Variants in ACSM3 observed in about 807,000 individuals in gnomAD.
ACSM3 encodes acyl-CoA synthetase medium chain family member 3.
Under a neutral mutation model 74.1 loss-of-function variants are expected in ACSM3, and 61 were observed. The ratio of observed to expected loss-of-function variants is 0.82; its 90% CI spans 0.67 to 1.02. The LOEUF is 1.02. Ranked by LOEUF, ACSM3 falls within the 50% of genes least tolerant of loss-of-function variation. ACSM3 has a pLI of 0.00. For missense variants in ACSM3, 660 were observed against 697.0 expected (o/e 0.95, Z 0.60); for synonymous variants, 213 against 241.5 (o/e 0.88, Z 1.09).
At position 20,723,077 on chromosome 16, in the gene ACSM3, C is replaced by T. The variant is rs11649666; in HGVS notation, c.-189-26833C>T. On this transcript the variant is annotated intron_variant, in intron 1 of 3. Transcript: ENST00000561584. The stretch of plus-strand genomic sequence containing the variant: ...GGCCCCAGTGTGTGATGTTCCCCTT[C>T]CTGTGTCCAAGTGTTCTCATTGTTC... 4.5e-3 allele frequency among the ~76,000 whole-genome samples: 683 copies of T among 152,176 alleles called. 4 individuals carry two copies. The highest frequency in any genetic ancestry group is 7.7e-3 in the Non-Finnish European group (522 of 68,028).
rs34041438 is a variant in ACSM3 at position 20,686,978 on chromosome 16, A to ATTT, written c.-190+12172_-190+12174dup. On this transcript the variant is annotated intron_variant, in intron 1 of 3. Coordinates refer to the ACSM3 transcript ENST00000561584. ...ACTCAAAATGGTAGAAAATTTTGTG[A>ATTT]TTTTTTTTTTTTTTTTTTGGTCACC... Among the ~76,000 whole-genome samples, 6 of 135,996 alleles carry ATTT rather than the reference A, an allele frequency of 4.4e-5. No homozygotes were observed. The South Asian group carries it at 7.0e-4, about 16-fold the overall frequency. 89.2% of individuals were successfully genotyped at this position (135,996 alleles called of 152,430 possible).
At chr16:20,690,798 T>C (rs907409984) in intron 1 of ACSM3, among the ~76,000 whole-genome samples, 3 of 152,220 alleles carry the variant, frequency 2.0e-5, no homozygotes, top group African/African-American at 7.2e-5. Flanking sequence ...CCTCATTTCA[T>C]AGATGAAACC....
chr16:20,795,445 G>GT (rs1276157331), intron 12 of ACSM3, among the ~76,000 whole-genome samples: 1 of 152,210 alleles, frequency 6.6e-6, no homozygotes, highest in African/African-American at 2.4e-5. Flanking sequence ...CCAAATGGCT[G>GT]TCCTGGTAAT....
At chr16:20,741,059 T>C (rs2079914827) in intron 1 of ACSM3, among the ~76,000 whole-genome samples, 1 of 151,308 alleles carries the variant, frequency 6.6e-6, no homozygotes, top group African/African-American at 2.4e-5. Context: ...GAGTGTAGGG[T>C]TTAGGACTAC....
chr16:20,726,665 A>C (rs997749003), intron 1 of ACSM3, among the ~76,000 whole-genome samples: 2 of 152,240 alleles, frequency 1.3e-5, no homozygotes, highest in Non-Finnish European at 2.9e-5. Flanking sequence ...GCTAAGCTCA[A>C]AATCAAACAG....
At chr16:20,737,357 T>TGTC (rs2079880146) in intron 1 of ACSM3, 5 of 1,473,294 alleles carry the variant, frequency 3.4e-6, no homozygotes, top group Non-Finnish European at 3.6e-6. Context: ...AAAAATCTTT[T>TGTC]GTCTCTGTTT....
intron 1 of ACSM3, among the ~76,000 whole-genome samples, chr16:20,725,957 G>A (rs2079804075): frequency 6.6e-6 from 1 of 151,922 alleles, no homozygotes; most frequent in Non-Finnish European, 1.5e-5. Flanking sequence ...CTGGGCAACA[G>A]CGCAAGACTC....
At chr16:20,716,851 G>A (rs1596483927) in intron 1 of ACSM3, among the ~76,000 whole-genome samples, 2 of 152,136 alleles carry the variant, frequency 1.3e-5, no homozygotes, top group African/African-American at 4.8e-5. Context: ...CCACGGCCTG[G>A]TATTGGGTCT....
intron 1 of ACSM3, among the ~76,000 whole-genome samples, chr16:20,713,728 A>G (rs139560406): frequency 3.5e-4 from 54 of 152,266 alleles, no homozygotes; most frequent in Middle Eastern, 3.4e-3. Flanking sequence ...ACGATAAAGG[A>G]CTTTAATTAA....
chr16:20,796,327 A>G, intron 12 of ACSM3, 43 bp from the exon 13 acceptor site: 2 of 1,597,244 alleles, frequency 1.3e-6, no homozygotes, highest in African/African-American at 2.7e-5. Context: ...AAAACATACA[A>G]ATGCATAACT....
intron 1 of ACSM3, chr16:20,738,296 T>C (rs767433986): frequency 4.9e-6 from 2 of 407,772 alleles, no homozygotes; most frequent in Middle Eastern, 4.2e-4. Flanking sequence ...CATTAAACAG[T>C]ACACACTTTT....
chr16:20,695,654 C>G (rs1201577806), intron 1 of ACSM3, among the ~76,000 whole-genome samples: 1 of 150,558 alleles, frequency 6.6e-6, no homozygotes, highest in Non-Finnish European at 1.5e-5. Context: ...ATCTATCTAC[C>G]TATTACCTAT....
intron 1 of ACSM3, among the ~76,000 whole-genome samples, chr16:20,695,763 C>A (rs1567317743): frequency 6.6e-6 from 1 of 152,074 alleles, no homozygotes; most frequent in Non-Finnish European, 1.5e-5. Flanking sequence ...ATCTATATGT[C>A]TATGTCTGCG....
At chr16:20,686,978 A>G (rs987449217) in intron 1 of ACSM3, among the ~76,000 whole-genome samples, 3 of 135,984 alleles carry the variant, frequency 2.2e-5, no homozygotes, top group African/African-American at 5.5e-5. Context: ...AAATTTTGTG[A>G]TTTTTTTTTT....
At chr16:20,700,986 A>G (rs2079711286) in intron 1 of ACSM3, among the ~76,000 whole-genome samples, 1 of 152,148 alleles carries the variant, frequency 6.6e-6, no homozygotes, top group Admixed American at 6.5e-5. Context: ...GGAGGTAAGC[A>G]GACGGATATG....
At chr16:20,703,064 T>C (rs1567319550) in intron 1 of ACSM3, 1 of 152,214 alleles carries the variant, frequency 6.6e-6, no homozygotes, top group African/African-American at 2.4e-5. Context: ...ATTTATTAAA[T>C]AGGGAATGCT....
intron 1 of ACSM3, among the ~76,000 whole-genome samples, chr16:20,709,279 GC>G (rs1313179576): frequency 2.0e-5 from 3 of 152,112 alleles, no homozygotes; most frequent in African/African-American, 7.2e-5. Flanking sequence ...AAATGATATT[GC>G]TTAACATAAG....
intron 1 of ACSM3, among the ~76,000 whole-genome samples, chr16:20,689,555 CA>C (rs1265738786): frequency 6.6e-6 from 1 of 151,846 alleles, no homozygotes; most frequent in African/African-American, 2.4e-5. Context: ...ATGCTGTCTG[CA>C]AAAATTAAGC....
chr16:20,696,290 T>G (rs1287186604), intron 1 of ACSM3, among the ~76,000 whole-genome samples: 1 of 152,230 alleles, frequency 6.6e-6, no homozygotes, highest in Non-Finnish European at 1.5e-5. Context: ...TATCTCTATC[T>G]CCGTCTCTGT....
Sources: gnomAD v4.1 joint callset for allele counts (sites outside exome capture counted in the v4.1 genomes callset) on GRCh38, gnomAD v4.1.1 for gene constraint, MANE v1.5 for transcripts, NCBI Gene and HGNC (gene_info 2026-07-23, HGNC 2026-07-21) for gene names.